Variants in SPI1 observed in about 807,000 individuals in gnomAD.
SPI1 encodes the protein Spi-1 proto-oncogene.
Under a neutral mutation model 30.7 loss-of-function variants are expected in SPI1, and 3 were observed. That is an observed-to-expected ratio of 0.10 (90% CI 0.04 to 0.25). The LOEUF (loss-of-function observed/expected upper bound fraction) is 0.25, where lower values mean the gene tolerates loss of function less well. Among genes scored for constraint, SPI1 ranks in the 10% least tolerant of loss-of-function variants. The probability of loss-of-function intolerance (pLI) is 1.00; values close to 1 mark genes in which losing one functional copy is unlikely to be tolerated. For synonymous variants in SPI1, 169 were observed against 157.1 expected (o/e 1.08, Z -0.56); for missense variants, 261 against 371.5 (o/e 0.70, Z 2.45).
chr11:47,361,102 C>T (rs761045707), intron 2 of SPI1, among the ~76,000 whole-genome samples: 7 of 151,800 alleles, frequency 4.6e-5, no homozygotes, highest in Admixed American at 6.6e-5. Context: ...GCCTGGGCGA[C>T]GGAGCGAGAC....
At chr11:47,372,769 A>ACCTTACCTCAGAGATTATATG (rs2142896742) in intron 2 of SPI1, among the ~76,000 whole-genome samples, 1 of 152,184 alleles carries the variant, frequency 6.6e-6, no homozygotes, top group African/African-American at 2.4e-5. Context: ...TCTGCACGTT[A>ACCTTACCTCAGAGATTATATG]CCTTACCTCA....
chr11:47,355,631 G>A, intron 4 of SPI1, 85 bp from the exon 5 acceptor site: 1 of 1,231,642 alleles, frequency 8.1e-7, no homozygotes, highest in Non-Finnish European at 1.1e-6. Context: ...CAGGGGCCCG[G>A]GGACGGGGTG....
chr11:47,368,423 C>CA (rs1191301245), intron 2 of SPI1, among the ~76,000 whole-genome samples: 1 of 152,048 alleles, frequency 6.6e-6, no homozygotes. Context: ...GGTATATATC[C>CA]AAAAAAATTG....
intron 4 of SPI1, among the ~76,000 whole-genome samples, chr11:47,357,767 T>C (rs955782941): frequency 1.3e-5 from 2 of 152,198 alleles, no homozygotes; most frequent in Admixed American, 6.5e-5. Context: ...GGTTTCGCCA[T>C]GTTGGCCAGG....
At chr11:47,363,363 A>G (rs778962881) in intron 2 of SPI1, among the ~76,000 whole-genome samples, 1 of 151,734 alleles carries the variant, frequency 6.6e-6, no homozygotes, top group Non-Finnish European at 1.5e-5. Flanking sequence ...TCTACTGAAA[A>G]TACAAAAATT....
Position 47,374,758 on chromosome 11 carries a change from G to A in SPI1, c.142+875C>T, listed in dbSNP as rs1373072557. 6.6e-6 allele frequency among the ~76,000 whole-genome samples: 1 copy of A among 152,208 alleles called. No individual in the cohort carries two copies. The highest frequency in any genetic ancestry group is 2.4e-5 in the African/African-American group (1 of 41,464). On this transcript the variant is annotated intron_variant, in intron 2 of 4. Coordinates refer to ENST00000378538, the MANE Select transcript of SPI1 (RefSeq NM_003120.3). This position sits in a 1 kb window ranked among gnomAD's most constrained non-coding sequence, Gnocchi z 4.5. ...TTTGGGCAACCTCCCGCAGCCCCCTGCTCAGGTCCCAGGCACCTAATGCCT... is the reference window on the plus strand; with the variant it reads ...TTTGGGCAACCTCCCGCAGCCCCCTACTCAGGTCCCAGGCACCTAATGCCT...
intron 1 of SPI1, among the ~76,000 whole-genome samples, chr11:47,377,579 A>G (rs2095943980): frequency 6.7e-6 from 1 of 150,202 alleles, no homozygotes; most frequent in African/African-American, 2.5e-5. Flanking sequence ...CTCAGCCCCC[A>G]TTCTCACTTA....
intron 1 of SPI1, among the ~76,000 whole-genome samples, chr11:47,376,507 T>G (rs1237054712): frequency 6.6e-6 from 1 of 151,978 alleles, no homozygotes; most frequent in Non-Finnish European, 1.5e-5. Context: ...CTTGATCCCC[T>G]CACTCTCCCT....
chr11:47,369,969 G>A (rs537104753), intron 2 of SPI1, among the ~76,000 whole-genome samples: 1 of 152,226 alleles, frequency 6.6e-6, no homozygotes, highest in African/African-American at 2.4e-5. Context: ...AGTTGGTATT[G>A]TCATGAAGAA....
At chr11:47,357,325 T>G (rs1053196557) in intron 4 of SPI1, among the ~76,000 whole-genome samples, 1 of 146,160 alleles carries the variant, frequency 6.8e-6, no homozygotes. Context: ...CTTTCACACC[T>G]CATTGACACC....
At chr11:47,362,657 C>T (rs992475156) in intron 2 of SPI1, among the ~76,000 whole-genome samples, 7 of 145,932 alleles carry the variant, frequency 4.8e-5, no homozygotes, top group African/African-American at 1.5e-4. Flanking sequence ...CTCACTGCAA[C>T]CTCCACCTCC....
At chr11:47,368,393 A>T (rs2095931363) in intron 2 of SPI1, among the ~76,000 whole-genome samples, 1 of 152,152 alleles carries the variant, frequency 6.6e-6, no homozygotes, top group Non-Finnish European at 1.5e-5. Flanking sequence ...TTAGCATATG[A>T]TCTAGCAATC....
Position 47,375,662 on chromosome 11 carries a change from T to G in SPI1, c.113A>C (p.Tyr38Ser). Reference sequence around the variant, plus strand: ...ATGGCTCTCCCCATCACTGCTGAGATAGGGGTAATACTCGTGCGTTTGGCG... The same window carrying G: ...ATGGCTCTCCCCATCACTGCTGAGAGAGGGGTAATACTCGTGCGTTTGGCG... The part of the protein sequence containing the change: ...YQRQTHEYYP[Y>S]LSSDGESHSD... The change falls in exon 2 of 5, where the codon TAT becomes TCT. Residue 38 changes from tyrosine (Y) to serine (S), a missense_variant. Tyr to Ser is a moderately radical substitution (Grantham distance 144). This residue lies in a region of SPI1 where 78 missense variants were observed against 93.2 expected (regional missense o/e 0.84). Coordinates refer to ENST00000378538, the MANE Select transcript of SPI1 (RefSeq NM_003120.3). The surrounding 1 kb of genome is among the most constrained non-coding windows in gnomAD (Gnocchi z 4.2). The G allele has an allele frequency of 6.2e-7, 1 of 1,613,886 alleles. No homozygotes were observed. The highest frequency in any genetic ancestry group is 8.5e-7 in the Non-Finnish European group (1 of 1,179,844).
chr11:47,378,267 G>A (rs756370738), intron 1 of SPI1, 42 bp downstream of exon 1: 96 of 1,606,006 alleles, frequency 6.0e-5, no homozygotes, highest in Non-Finnish European at 6.7e-5. Context: ...GCAGGCGTCC[G>A]AGGGCCACGG....
chr11:47,355,114 G>A lies in SPI1; in HGVS notation c.*113C>T, dbSNP rs1255389692. 3.1e-5 allele frequency: 26 copies of A among 837,972 alleles called. No individual in the cohort carries two copies. The highest frequency in any genetic ancestry group is 3.9e-5 in the Non-Finnish European group (25 of 634,470). 51.9% of individuals were successfully genotyped at this position (837,972 alleles called of 1,614,324 possible). A position where few individuals can be genotyped will look rare whatever the true frequency, so the allele number is the denominator to read the frequency against. ...GGGCGGGTGAGGCGAGGCCCGGCCC[G>A]CCACAGTCCTGCCTCTGGGCCCCGG... On this transcript the variant is annotated 3_prime_UTR_variant, in exon 5 of 5. Transcript: ENST00000378538.
At chr11:47,357,300 A>T (rs929748482) in intron 4 of SPI1, among the ~76,000 whole-genome samples, 117 of 150,464 alleles carry the variant, frequency 7.8e-4, no homozygotes, top group African/African-American at 2.9e-3. Context: ...TATCACTCAC[A>T]CGCTCACACC....
chr11:47,365,929 T>C (rs1336142880), intron 2 of SPI1, among the ~76,000 whole-genome samples: 1 of 152,170 alleles, frequency 6.6e-6, no homozygotes, highest in Non-Finnish European at 1.5e-5. Flanking sequence ...ACTCCTGACC[T>C]TGTGACCCAC....
intron 2 of SPI1, among the ~76,000 whole-genome samples, chr11:47,362,703 G>A (rs1480329750): frequency 6.7e-6 from 1 of 150,020 alleles, no homozygotes; most frequent in Non-Finnish European, 1.5e-5. Flanking sequence ...AGCCTCCCAA[G>A]TAGCTGGTAA....
chr11:47,365,433 T>C (rs2095926812), intron 2 of SPI1, among the ~76,000 whole-genome samples: 1 of 152,246 alleles, frequency 6.6e-6, no homozygotes, highest in Non-Finnish European at 1.5e-5. Context: ...GACACTGTGC[T>C]AAGTGTTCAA....
Sources: gnomAD v4.1 joint callset for allele counts (sites outside exome capture counted in the v4.1 genomes callset) on GRCh38, gnomAD v4.1.1 for gene constraint, gnomAD v4.1.1 regional missense constraint, Gnocchi (gnomAD v3.1) non-coding constraint, MANE v1.5 for transcripts, NCBI Gene and HGNC (gene_info 2026-07-23, HGNC 2026-07-21) for gene names.